The following SPAG16 variants were observed in gnomAD, a reference collection of about 807,000 sequenced individuals.
SPAG16 encodes the protein sperm associated antigen 16.
SPAG16 carries 86 observed loss-of-function variants against 80.4 expected under a neutral mutation model. The observed-to-expected ratio is 1.07, with a 90% CI of 0.90 to 1.28. The LOEUF is 1.28. Among genes scored for constraint, SPAG16 ranks in the 50% most tolerant of loss-of-function variants. The pLI is 0.00. For synonymous variants in SPAG16, 294 were observed against 265.9 expected (o/e 1.11, Z -1.03); for missense variants, 870 against 765.3 (o/e 1.14, Z -1.61).
At position 213,940,000 on chromosome 2, in the gene SPAG16, A is replaced by G. The variant is rs111351727; in HGVS notation, c.1400+9855A>G. Among the ~76,000 whole-genome samples, 883 of 152,256 alleles carry G rather than the reference A, an allele frequency of 5.8e-3. 7 individuals carry two copies. The highest frequency in any genetic ancestry group is 0.021 in the African/African-American group (853 of 41,546). On this transcript the variant is annotated intron_variant, in intron 12 of 15. Coordinates refer to ENST00000331683, the MANE Select transcript of SPAG16 (RefSeq NM_024532.5). ...TAGTTGTTTTTCATATTTCGTTTCA[A>G]TACATGTCCTAGTAAAATTTCTTAT...
chr2:213,566,240 A>C (rs530891445), intron 10 of SPAG16, among the ~76,000 whole-genome samples: 117 of 152,298 alleles, frequency 7.7e-4, no homozygotes, highest in Non-Finnish European at 1.5e-3. Context: ...TGAAATTGCA[A>C]ACGATGCTAG....
intron 10 of SPAG16, among the ~76,000 whole-genome samples, chr2:213,794,960 A>G (rs923405566): frequency 5.3e-5 from 8 of 152,184 alleles, no homozygotes; most frequent in Non-Finnish European, 8.8e-5. Flanking sequence ...ATGTTAATTT[A>G]TTCTCTACTG....
intron 4 of SPAG16, among the ~76,000 whole-genome samples, chr2:213,310,998 C>G (rs1462483950): frequency 6.6e-6 from 1 of 151,670 alleles, no homozygotes; most frequent in African/African-American, 2.4e-5. Context: ...TTTTACTCAT[C>G]CAGCTGTGGT....
At chr2:213,835,268 A>C (rs1311243803) in intron 10 of SPAG16, among the ~76,000 whole-genome samples, 2 of 152,162 alleles carry the variant, frequency 1.3e-5, no homozygotes, top group Admixed American at 1.3e-4. Context: ...CATGTTCGTT[A>C]TGCCATTTAT....
intron 11 of SPAG16, among the ~76,000 whole-genome samples, chr2:213,881,426 ACTT>A (rs1198935054): frequency 6.6e-6 from 1 of 152,244 alleles, no homozygotes; most frequent in Non-Finnish European, 1.5e-5. Flanking sequence ...AGATACTTTG[ACTT>A]CTTCTTTTTC....
At chr2:213,498,860 G>T (rs1430663103) in intron 10 of SPAG16, among the ~76,000 whole-genome samples, 1 of 152,018 alleles carries the variant, frequency 6.6e-6, no homozygotes, top group Non-Finnish European at 1.5e-5. Context: ...TCCAAAATGA[G>T]TTGTTCAGTC....
chr2:214,136,261 G>A (rs1280624717), intron 14 of SPAG16, among the ~76,000 whole-genome samples: 2 of 152,130 alleles, frequency 1.3e-5, no homozygotes, highest in African/African-American at 4.8e-5. Context: ...ATGAGACTTA[G>A]TGGGGCCACA....
intron 12 of SPAG16, among the ~76,000 whole-genome samples, chr2:213,990,633 A>T (rs1249804180): frequency 6.6e-6 from 1 of 152,162 alleles, no homozygotes; most frequent in East Asian, 1.9e-4. Context: ...GTGGAAGGGG[A>T]TCATCCTAAA....
At chr2:214,324,036 G>T (rs1696299846) in intron 15 of SPAG16, among the ~76,000 whole-genome samples, 1 of 152,154 alleles carries the variant, frequency 6.6e-6, no homozygotes, top group African/African-American at 2.4e-5. Context: ...ATCTGCTATA[G>T]AGTAACCTTT....
intron 15 of SPAG16, among the ~76,000 whole-genome samples, chr2:214,330,234 G>A (rs1490761996): frequency 3.3e-5 from 5 of 150,482 alleles, no homozygotes; most frequent in African/African-American, 7.3e-5. Flanking sequence ...CCGAGATCAC[G>A]CCATTGCACT....
intron 10 of SPAG16, among the ~76,000 whole-genome samples, chr2:213,549,939 G>T (rs560599006): frequency 1.3e-5 from 2 of 152,018 alleles, no homozygotes; most frequent in African/African-American, 2.4e-5. Flanking sequence ...ATATTATTTT[G>T]TCTTATTTTT....
At chr2:213,764,993 C>T (rs577726072) in intron 10 of SPAG16, among the ~76,000 whole-genome samples, 3 of 152,286 alleles carry the variant, frequency 2.0e-5, no homozygotes, top group African/African-American at 7.2e-5. Context: ...GTGCCTTTCT[C>T]ATCATTGCAG....
intron 10 of SPAG16, among the ~76,000 whole-genome samples, chr2:213,562,392 C>T (rs1185139497): frequency 4.6e-5 from 7 of 152,208 alleles, no homozygotes; most frequent in Non-Finnish European, 1.5e-5. Context: ...ATTCTTCCCT[C>T]TCCTCTCTTA....
At chr2:213,644,953 C>G (rs901910810) in intron 10 of SPAG16, among the ~76,000 whole-genome samples, 1 of 152,188 alleles carries the variant, frequency 6.6e-6, no homozygotes, top group Non-Finnish European at 1.5e-5. Context: ...TGGCGATGTC[C>G]CTCAGGCCCT....
intron 15 of SPAG16, among the ~76,000 whole-genome samples, chr2:214,214,431 A>G (rs1490407544): frequency 6.6e-6 from 1 of 152,140 alleles, no homozygotes; most frequent in Non-Finnish European, 1.5e-5. Flanking sequence ...TGGCCTCCCA[A>G]TATGCCCAGT....
At chr2:214,369,281 T>C (rs1423120533) in intron 15 of SPAG16, among the ~76,000 whole-genome samples, 1 of 152,126 alleles carries the variant, frequency 6.6e-6, no homozygotes, top group African/African-American at 2.4e-5. Context: ...AAAGACTGTA[T>C]ATGAAGAAAA....
intron 10 of SPAG16, among the ~76,000 whole-genome samples, chr2:213,615,083 C>T (rs76660764): frequency 0.06 from 9,074 of 152,194 alleles, 890 homozygotes; most frequent in African/African-American, 0.2. Context: ...TTGATTTACC[C>T]AAGGTCAAGT....
intron 13 of SPAG16, among the ~76,000 whole-genome samples, chr2:214,044,783 C>T (rs67742153): frequency 0.24 from 37,190 of 152,132 alleles, 5,023 homozygotes; most frequent in Middle Eastern, 0.28. Context: ...TGCCCTGTCA[C>T]AGCACAAAGC....
intron 12 of SPAG16, among the ~76,000 whole-genome samples, chr2:213,951,299 T>A (rs954176674): frequency 1.3e-5 from 2 of 152,164 alleles, no homozygotes; most frequent in African/African-American, 4.8e-5. Context: ...GTTGTCATAA[T>A]GATACAAAAT....
Sources: allele counts gnomAD v4.1 joint callset (sites outside exome capture counted in the v4.1 genomes callset), GRCh38; gene constraint gnomAD v4.1.1; transcripts MANE v1.5; gene names NCBI Gene and HGNC (gene_info 2026-07-23, HGNC 2026-07-21).